Variants in ADCY2 observed in about 807,000 individuals in gnomAD.
ADCY2 encodes adenylate cyclase type 2.
Under a neutral mutation model 125.2 loss-of-function variants are expected in ADCY2, and 31 were observed. The observed-to-expected ratio is 0.25, with a 90% CI of 0.19 to 0.33. ADCY2 has a LOEUF of 0.33. ADCY2 is among the 10% of genes least tolerant of loss of function. The pLI, the probability that ADCY2 is intolerant of heterozygous loss-of-function variation, is 1.00. For synonymous variants in ADCY2, 512 were observed against 548.4 expected, an observed-to-expected ratio of 0.93 and a Z score of 0.93; for missense variants, 904 against 1,418.2, an observed-to-expected ratio of 0.64 and a Z score of 5.82.
chr5:7,522,102 C>G (rs541605054), intron 3 of ADCY2, among the ~76,000 whole-genome samples: 4 of 152,016 alleles, frequency 2.6e-5, no homozygotes, highest in Admixed American at 2.0e-4. Context: ...AGTAACTAAT[C>G]CAATGAGAGA....
At chr5:7,788,171 AT>A (rs1335111321) in intron 19 of ADCY2, among the ~76,000 whole-genome samples, 1 of 151,982 alleles carries the variant, frequency 6.6e-6, no homozygotes, top group Non-Finnish European at 1.5e-5. Flanking sequence ...ACAAACTTTT[AT>A]TTTTGGGGTT....
At chr5:7,536,444 C>T (rs1440983055) in intron 3 of ADCY2, among the ~76,000 whole-genome samples, 1 of 152,070 alleles carries the variant, frequency 6.6e-6, no homozygotes, top group Admixed American at 6.5e-5. Flanking sequence ...TCACTGTCAT[C>T]CCCCCCACAT....
chr5:7,542,768 T>C (rs1201232424), intron 3 of ADCY2, among the ~76,000 whole-genome samples: 2 of 152,220 alleles, frequency 1.3e-5, no homozygotes, highest in African/African-American at 4.8e-5. Context: ...TGATTGTAAG[T>C]GTCAATCACT....
chr5:7,657,647 T>G (rs1188531112), intron 4 of ADCY2, among the ~76,000 whole-genome samples: 5 of 152,190 alleles, frequency 3.3e-5, no homozygotes, highest in Non-Finnish European at 7.3e-5. Flanking sequence ...GGTATGCTCT[T>G]TCATTCTTTC....
chr5:7,773,172 A>G, intron 18 of ADCY2, 71 bp downstream of exon 18: 3 of 1,438,694 alleles, frequency 2.1e-6, no homozygotes, highest in Non-Finnish European at 2.8e-6. Flanking sequence ...GTGTGTGTTG[A>G]GTAAATGCAA....
intron 3 of ADCY2, among the ~76,000 whole-genome samples, chr5:7,532,121 T>C (rs1734669847): frequency 6.6e-6 from 1 of 152,204 alleles, no homozygotes; most frequent in African/African-American, 2.4e-5. Flanking sequence ...AAGAAACATA[T>C]GGGAATTTCA....
intron 22 of ADCY2, among the ~76,000 whole-genome samples, chr5:7,815,092 C>T (rs527716977): frequency 9.8e-5 from 15 of 152,298 alleles, no homozygotes; most frequent in Non-Finnish European, 1.3e-4. Flanking sequence ...GAATGCACAG[C>T]GGTCAGCTTT....
Position 7,670,304 on chromosome 5 carries a change from AG to A in ADCY2, c.721-20386del, listed in dbSNP as rs200710612. ...GATTATTCCGTGTCTACCTAGTTTA[AG>A]AGACTGTGATAGCCCGAGCCGATGG... is the stretch of plus-strand genomic sequence containing the variant. On this transcript the variant is annotated intron_variant, in intron 4 of 24. Transcript: ENST00000338316. 6.4e-3 allele frequency among the ~76,000 whole-genome samples: 967 copies of A among 152,266 alleles called. 9 individuals are homozygous for A. The highest frequency in any genetic ancestry group is 0.011 in the Non-Finnish European group (727 of 68,020).
chr5:7,588,733 A>T (rs1427363708), intron 3 of ADCY2, among the ~76,000 whole-genome samples: 1 of 152,202 alleles, frequency 6.6e-6, no homozygotes, highest in Non-Finnish European at 1.5e-5. Flanking sequence ...ACGAAACATT[A>T]TGTTGCTTGG....
chr5:7,506,203 C>T (rs1284828599), intron 2 of ADCY2, among the ~76,000 whole-genome samples: 1 of 152,156 alleles, frequency 6.6e-6, no homozygotes, highest in African/African-American at 2.4e-5. Flanking sequence ...TGGTGCCAAA[C>T]ACTCAACAAA....
chr5:7,579,424 T>A (rs747162488), intron 3 of ADCY2, among the ~76,000 whole-genome samples: 2 of 151,676 alleles, frequency 1.3e-5, no homozygotes, highest in African/African-American at 2.4e-5. Flanking sequence ...AAAAAAGAGA[T>A]CCACAGAGAC....
At chr5:7,516,599 A>T (rs912185075) in intron 2 of ADCY2, among the ~76,000 whole-genome samples, 5 of 152,174 alleles carry the variant, frequency 3.3e-5, no homozygotes, top group African/African-American at 1.2e-4. Flanking sequence ...ATAAGATTTT[A>T]AAGTTTCCAC....
chr5:7,819,919 C>G (rs999457599), intron 23 of ADCY2, among the ~76,000 whole-genome samples: 4 of 152,178 alleles, frequency 2.6e-5, no homozygotes, highest in Admixed American at 2.6e-4. Context: ...TCCCCACCCC[C>G]AGAGCTGCTG....
rs758668644 is a variant in ADCY2, at chr5:7,766,789, A to C, written c.2197A>C (p.Asn733His). Residue 733 changes from asparagine to histidine, a missense_variant, in exon 17 of 25, where the codon AAT becomes CAT. Physicochemically the swap from Asn to His is moderately conservative, Grantham distance 68 (BLOSUM62 1). This residue lies in a region of ADCY2 where 221 missense variants were observed against 246.2 expected (regional missense o/e 0.90). Coordinates refer to ENST00000338316, the MANE Select transcript of ADCY2 (RefSeq NM_020546.3). ...NNQVAILRAQ[N>H]LFFLPYFIYS... ...TCAGGTGGCGATTCTGCGTGCGCAG[A>C]ATTTATTTTTCCTCCCGGTAAGAAC... The C allele has an allele frequency of 3.1e-6, 5 of 1,609,166 alleles. No homozygotes were observed. The East Asian group carries it at 1.1e-4, about 36-fold the overall frequency.
chr5:7,789,509 G>A (rs1181240426), intron 19 of ADCY2, 133 bp from the exon 20 acceptor site: 35 of 809,654 alleles, frequency 4.3e-5, no homozygotes, highest in Non-Finnish European at 5.9e-5. Flanking sequence ...GGCTTTATGG[G>A]GAGGGTGGAA....
intron 14 of ADCY2, 66 bp from the exon 15 acceptor site, chr5:7,743,602 C>A: frequency 1.4e-6 from 2 of 1,450,416 alleles, no homozygotes; most frequent in Non-Finnish European, 9.7e-7. Context: ...AAAAGTATTA[C>A]TGGTAGCTTT....
chr5:7,525,461 C>A (rs1429355466), intron 3 of ADCY2, among the ~76,000 whole-genome samples: 1 of 152,172 alleles, frequency 6.6e-6, no homozygotes, highest in Non-Finnish European at 1.5e-5. Context: ...TGATCTTATT[C>A]CTGTCTGCTC....
chr5:7,825,315 C>T (rs1332783923), intron 24 of ADCY2, among the ~76,000 whole-genome samples: 1 of 152,160 alleles, frequency 6.6e-6, no homozygotes, highest in Non-Finnish European at 1.5e-5. Context: ...CGCCATAAAA[C>T]TGCTGTGTGC....
At chr5:7,754,717 CA>C (rs1254930376) in intron 15 of ADCY2, among the ~76,000 whole-genome samples, 1 of 23,656 alleles carries the variant, frequency 4.2e-5, no homozygotes, top group Non-Finnish European at 7.6e-5. Context: ...TGGCAAAAAA[CA>C]AAACAAACAA....
Sources: allele counts gnomAD v4.1 joint callset (sites outside exome capture counted in the v4.1 genomes callset), GRCh38; gene constraint gnomAD v4.1.1; regional missense constraint gnomAD v4.1.1; transcripts MANE v1.5; gene names NCBI Gene and HGNC (gene_info 2026-07-23, HGNC 2026-07-21).